The following NSG2 variants were observed in gnomAD, a reference collection of about 807,000 sequenced individuals.
The protein encoded by NSG2 is neuronal vesicle trafficking-associated protein 2.
A neutral mutation model predicts 16.9 loss-of-function variants in NSG2; 4 were observed. That is an observed-to-expected ratio of 0.24 (90% CI 0.12 to 0.54). The LOEUF (loss-of-function observed/expected upper bound fraction) is 0.54. Ranked by LOEUF, NSG2 falls within the 20% of genes least tolerant of loss-of-function variation. The pLI is 0.95. For missense variants in NSG2, 179 were observed against 221.1 expected (o/e 0.81, Z 1.21); for synonymous variants, 98 against 88.7 (o/e 1.11, Z -0.59).
intron 3 of NSG2, among the ~76,000 whole-genome samples, chr5:174,069,114 G>A (rs954188895): frequency 3.4e-4 from 52 of 151,800 alleles, no homozygotes; most frequent in African/African-American, 9.9e-4. Flanking sequence ...CTGATGTCAC[G>A]GTGACCCTGG....
intron 3 of NSG2, among the ~76,000 whole-genome samples, chr5:174,083,207 C>T (rs566334357): frequency 1.3e-4 from 20 of 152,338 alleles, no homozygotes; most frequent in Non-Finnish European, 1.5e-5. Context: ...GAGCCGACAC[C>T]ACGTATACGT....
chr5:174,102,290 A>G (rs145790486), intron 3 of NSG2, among the ~76,000 whole-genome samples: 3 of 152,274 alleles, frequency 2.0e-5, no homozygotes, highest in South Asian at 2.1e-4. Flanking sequence ...TTTTGGAGCA[A>G]TGTAAACTCC....
rs185079678 is a variant in NSG2 at position 174,090,211 on chromosome 5, G to A, written c.214-14017G>A. The stretch of plus-strand genomic sequence containing the variant: ...TGGCTGTGATCTCTTACAGCAAAGG[G>A]ATACGCAGCAAAATCAGCAAAAGAA... On this transcript the variant is annotated intron_variant, in intron 3 of 4. Transcript: ENST00000303177. Among the ~76,000 whole-genome samples the A allele has an allele frequency of 3.4e-3, 522 of 152,252 alleles. 2 individuals are homozygous for A. Among genetic ancestry groups the A allele is most frequent in the Non-Finnish European group, 6.2e-3 (424 of 68,008 alleles).
In NSG2 at chr5:174,107,428, G is replaced by C. The variant is rs1296025123; in HGVS notation, c.439G>C (p.Ala147Pro). 4 of 1,612,916 alleles carry C rather than the reference G, an allele frequency of 2.5e-6. No individual in the cohort carries two copies. Among genetic ancestry groups the C allele is most frequent in the Non-Finnish European group, 3.4e-6 (4 of 1,179,152 alleles). ...CTACAGCGTGGCCAAGCAGAGCACT[G>C]CCCGGGCCATCGGGCCGTGGCTGTC... is the stretch of plus-strand genomic sequence containing the variant. ...SHYSVAKQST[A>P]RAIGPWLSAA... The change falls in exon 5 of 5, where the codon GCC becomes CCC. Residue 147 changes from alanine to proline, a missense_variant. By Grantham distance (27) the Ala-to-Pro change is conservative. Transcript: ENST00000303177. This position sits in a 1 kb window ranked among gnomAD's most constrained non-coding sequence, Gnocchi z 4.5.
Position 174,088,346 on chromosome 5 carries a change from C to T in NSG2, c.214-15882C>T, listed in dbSNP as rs114663956. Among the ~76,000 whole-genome samples, 1,232 of 152,262 alleles carry T rather than the reference C, an allele frequency of 8.1e-3. 12 individuals carry two copies. Among genetic ancestry groups the T allele is most frequent in the African/African-American group, 0.025 (1,037 of 41,542 alleles). ...CTGTCCCCAGAGGCTATACTGGCTC[C>T]AGACCAGCTCTGGCCAGTAATGAAG... On this transcript the variant is annotated intron_variant, in intron 3 of 4. Transcript: ENST00000303177.
intron 4 of NSG2, among the ~76,000 whole-genome samples, chr5:174,106,700 T>A (rs1760987408): frequency 6.7e-6 from 1 of 149,458 alleles, no homozygotes; most frequent in Non-Finnish European, 1.5e-5. Context: ...GTTCAAGCGA[T>A]TCTTCTGCCT....
chr5:174,074,043 A>G (rs1254870762), intron 3 of NSG2, among the ~76,000 whole-genome samples: 2 of 152,154 alleles, frequency 1.3e-5, no homozygotes, highest in Non-Finnish European at 2.9e-5. Context: ...GGGAGTGTTT[A>G]CACCATGGAA....
intron 4 of NSG2, among the ~76,000 whole-genome samples, chr5:174,106,985 G>C (rs1760993206): frequency 6.6e-6 from 1 of 152,194 alleles, no homozygotes; most frequent in Non-Finnish European, 1.5e-5. Flanking sequence ...AGGCAACAAG[G>C]GGACAGGTGA....
intron 3 of NSG2, among the ~76,000 whole-genome samples, chr5:174,096,476 T>G (rs1446303134): frequency 6.6e-6 from 1 of 151,724 alleles, no homozygotes; most frequent in East Asian, 1.9e-4. Flanking sequence ...AGGGCCAGGG[T>G]TGGGGCTGAA....
At chr5:174,095,722 A>G (rs1760786224) in intron 3 of NSG2, among the ~76,000 whole-genome samples, 1 of 152,218 alleles carries the variant, frequency 6.6e-6, no homozygotes, top group Non-Finnish European at 1.5e-5. Context: ...TTCAGGTCCC[A>G]CATGCATTAT....
chr5:174,104,344 A>G lies in NSG2; in HGVS notation c.324+6A>G, dbSNP rs1205227544. ...CAGAGGGATTCGTCTATAAGGTAAG[A>G]GGTGGTTGAGTAGTCCCAGGTCACT... is the stretch of plus-strand genomic sequence containing the variant. On this transcript the variant is annotated splice_donor_region_variant and intron_variant, in intron 4 of 4. Coordinates refer to ENST00000303177, the MANE Select transcript of NSG2 (RefSeq NM_015980.5). The G allele has an allele frequency of 1.3e-6, 2 of 1,591,448 alleles. No homozygotes were observed. The highest frequency in any genetic ancestry group is 2.7e-5 in the African/African-American group (2 of 74,446).
chr5:174,052,284 T>A (rs1015726483), intron 2 of NSG2, among the ~76,000 whole-genome samples: 1 of 151,506 alleles, frequency 6.6e-6, no homozygotes, highest in Non-Finnish European at 1.5e-5. Context: ...GAGGAGAGGG[T>A]AGTGGGGCAG....
At chr5:174,064,598 T>C (rs142821708) in intron 3 of NSG2, 33 of 249,634 alleles carry the variant, frequency 1.3e-4, no homozygotes, top group African/African-American at 4.6e-4. Flanking sequence ...TGTTCCCTTC[T>C]TCCTGCTTTT....
intron 2 of NSG2, among the ~76,000 whole-genome samples, chr5:174,061,902 C>T (rs1328960920): frequency 6.9e-6 from 1 of 145,450 alleles, no homozygotes; most frequent in Non-Finnish European, 1.5e-5. Context: ...TGTGCCGAGC[C>T]CCCAAACTTT....
intron 2 of NSG2, among the ~76,000 whole-genome samples, chr5:174,060,745 G>C (rs1760037495): frequency 1.3e-5 from 2 of 152,208 alleles, no homozygotes; most frequent in African/African-American, 4.8e-5. Context: ...ACAGATTTCA[G>C]TTCCTTGTGG....
At chr5:174,105,869 C>T (rs1261192078) in intron 4 of NSG2, among the ~76,000 whole-genome samples, 1 of 152,104 alleles carries the variant, frequency 6.6e-6, no homozygotes, top group Non-Finnish European at 1.5e-5. Context: ...CATTGCACTC[C>T]AGCCTGGGGG....
chr5:174,046,827 C>T lies in NSG2; in HGVS notation c.72C>T (p.Thr24=), dbSNP rs141818585. The T allele has an allele frequency of 2.9e-5, 46 of 1,614,022 alleles. No homozygotes were observed. In the South Asian group the frequency reaches 3.0e-4, roughly 10 times the overall value. ...KPPSVEDGFQ[T]VPLITPLEVN... is the part of the protein sequence containing the mutation. ...CTTCAGTTGAGGATGGCTTCCAGAC[C>T]GTCCCTCTCATCACTCCCTTGGAGG... is the stretch of plus-strand genomic sequence containing the variant. Residue 24 remains threonine (T), a synonymous_variant, in exon 2 of 5, where the codon ACC becomes ACT. Coordinates refer to ENST00000303177, the MANE Select transcript of NSG2 (RefSeq NM_015980.5).
Position 174,084,741 on chromosome 5 carries a change from C to T in NSG2, c.214-19487C>T, listed in dbSNP as rs566492217. 1.4e-3 allele frequency among the ~76,000 whole-genome samples: 206 copies of T among 152,338 alleles called. 1 individual carries two copies. The highest frequency in any genetic ancestry group is 2.3e-3 in the South Asian group (11 of 4,826). On this transcript the variant is annotated intron_variant, in intron 3 of 4. Coordinates refer to ENST00000303177, the MANE Select transcript of NSG2 (RefSeq NM_015980.5). ...GGCCCCATTCATCCTGCCAGGGCTA[C>T]GGGGTCACAGTTGAATAAGCACACA...
At chr5:174,051,657 C>T (rs1759891763) in intron 2 of NSG2, among the ~76,000 whole-genome samples, 1 of 152,146 alleles carries the variant, frequency 6.6e-6, no homozygotes. Flanking sequence ...AGGTACACAG[C>T]AATGAAAAGA....
Sources: gnomAD v4.1 joint callset for allele counts (sites outside exome capture counted in the v4.1 genomes callset) on GRCh38, gnomAD v4.1.1 for gene constraint, Gnocchi (gnomAD v3.1) non-coding constraint, MANE v1.5 for transcripts, NCBI Gene and HGNC (gene_info 2026-07-23, HGNC 2026-07-21) for gene names.